DDX6: variants seen among roughly 807,000 people sequenced by gnomAD.
The protein encoded by DDX6 is probable ATP-dependent RNA helicase DDX6.
Under a neutral mutation model 60.6 loss-of-function variants are expected in DDX6, and 7 were observed. That is an observed-to-expected ratio of 0.12 (90% CI 0.07 to 0.22). The LOEUF is 0.22. Ranked by LOEUF, DDX6 falls within the 10% of genes least tolerant of loss-of-function variation. The probability of loss-of-function intolerance (pLI) is 1.00; values close to 1 mark genes in which losing one functional copy is unlikely to be tolerated. For missense variants in DDX6, 270 were observed against 589.9 expected (o/e 0.46, Z 5.62); for synonymous variants, 207 against 201.0 (o/e 1.03, Z -0.25).
intron 13 of DDX6, among the ~76,000 whole-genome samples, chr11:118,753,068 G>A (rs780306859): frequency 1.3e-5 from 2 of 152,104 alleles, no homozygotes; most frequent in African/African-American, 2.4e-5. Flanking sequence ...CACTCTTATC[G>A]CCCAGGCTCG....
At chr11:118,785,260 G>A (rs1384657080) in intron 2 of DDX6, among the ~76,000 whole-genome samples, 2 of 152,180 alleles carry the variant, frequency 1.3e-5, no homozygotes, top group African/African-American at 4.8e-5. Flanking sequence ...GTAAGAGGAG[G>A]CTCTTCAATT....
chr11:118,758,382 T>C (rs1351384313), intron 9 of DDX6, among the ~76,000 whole-genome samples: 3 of 152,176 alleles, frequency 2.0e-5, no homozygotes, highest in Admixed American at 6.5e-5. Flanking sequence ...TCTTTTTTTT[T>C]TTCTTCCCAA....
chr11:118,786,643 A>T (rs1862084151), intron 1 of DDX6, 125 bp from the exon 2 acceptor site: 1 of 179,120 alleles, frequency 5.6e-6, no homozygotes, highest in African/African-American at 2.4e-5. Context: ...AGCTACACTT[A>T]GACCAAATCA....
chr11:118,748,129 C>A lies in DDX6; in HGVS notation c.*3976G>T, dbSNP rs1357708563. ...TGTTTTCTCCAGGCTCCCCTTCCCA[C>A]ACAACCAATGTAAAATACAGCAGCC... On this transcript the variant is annotated 3_prime_UTR_variant, in exon 14 of 14. Coordinates refer to ENST00000534980, the MANE Select transcript of DDX6 (RefSeq NM_004397.6). 1.3e-5 allele frequency: 2 copies of A among 152,096 alleles called. No homozygotes were observed. The highest frequency in any genetic ancestry group is 2.4e-5 in the African/African-American group (1 of 41,418). 9.4% of individuals were successfully genotyped at this position (152,096 alleles called of 1,614,324 possible).
chr11:118,758,395 C>CG (rs1346084792), intron 9 of DDX6, among the ~76,000 whole-genome samples: 9 of 151,738 alleles, frequency 5.9e-5, no homozygotes, highest in Non-Finnish European at 1.2e-4. Context: ...CTTCCCAAGA[C>CG]GGAGTCTTGC....
At chr11:118,781,411 G>C (rs1555164687) in intron 2 of DDX6, among the ~76,000 whole-genome samples, 1 of 152,150 alleles carries the variant, frequency 6.6e-6, no homozygotes, top group Admixed American at 6.5e-5. Flanking sequence ...ATCCTCTTAA[G>C]CAATATTGTA....
chr11:118,772,063 T>G (rs942350714), intron 4 of DDX6, among the ~76,000 whole-genome samples: 4 of 152,192 alleles, frequency 2.6e-5, no homozygotes, highest in African/African-American at 9.7e-5. Context: ...AAATAAAACT[T>G]CATAAGGTTA....
chr11:118,768,154 TCTTCTACA>T, intron 5 of DDX6, 61 bp downstream of exon 5: 1 of 1,403,024 alleles, frequency 7.1e-7, no homozygotes, highest in Non-Finnish European at 9.6e-7. Flanking sequence ...AAAAAGAGTA[TCTTCTACA>T]CATGGCTCCA....
chr11:118,787,066 G>A (rs1862098478), intron 1 of DDX6: 1 of 152,192 alleles, frequency 6.6e-6, no homozygotes, highest in Admixed American at 6.5e-5. Flanking sequence ...CTGGGTGCTG[G>A]TGGCTCAGGC....
chr11:118,779,545 T>A, intron 4 of DDX6, 87 bp downstream of exon 4: 4 of 795,704 alleles, frequency 5.0e-6, no homozygotes, highest in African/African-American at 3.5e-5. Flanking sequence ...AAATGTTAGT[T>A]CACTGTATCA....
intron 7 of DDX6, among the ~76,000 whole-genome samples, chr11:118,761,692 C>T (rs1861171418): frequency 6.6e-6 from 1 of 152,028 alleles, no homozygotes; most frequent in South Asian, 2.1e-4. Flanking sequence ...AAAATTAAAC[C>T]TAAACTCTGG....
At chr11:118,758,112 A>C (rs925343651) in intron 9 of DDX6, among the ~76,000 whole-genome samples, 1 of 152,152 alleles carries the variant, frequency 6.6e-6, no homozygotes, top group East Asian at 1.9e-4. Flanking sequence ...AGGTGACTTA[A>C]ACTCTTTGCC....
chr11:118,761,915 A>G (rs1263250209), intron 7 of DDX6, among the ~76,000 whole-genome samples: 1 of 151,224 alleles, frequency 6.6e-6, no homozygotes, highest in East Asian at 1.9e-4. Context: ...GTACCCAGTG[A>G]TTAATAAATG....
chr11:118,782,410 TAAAAA>T (rs782394238), intron 2 of DDX6, among the ~76,000 whole-genome samples: 4 of 139,582 alleles, frequency 2.9e-5, no homozygotes, highest in Non-Finnish European at 6.3e-5. Context: ...AAAGCATCTT[TAAAAA>T]AAAAAAAAAG....
chr11:118,753,282 G>A (rs1860843057), intron 13 of DDX6, among the ~76,000 whole-genome samples: 2 of 151,330 alleles, frequency 1.3e-5, no homozygotes, highest in Admixed American at 6.6e-5. Context: ...CACCCACCTC[G>A]GCCTCCCAAA....
Position 118,748,505 on chromosome 11 carries a change from G to A in DDX6, c.*3600C>T, listed in dbSNP as rs1425589546. On this transcript the variant is annotated 3_prime_UTR_variant, in exon 14 of 14. Transcript: ENST00000534980. ...GCCAATAATTTTGATAAAGGTATCT[G>A]GCAGGAAAATGATTCCACAATAACA... 3 of 152,058 alleles carry A rather than the reference G, an allele frequency of 2.0e-5. No homozygotes were observed. The highest frequency in any genetic ancestry group is 4.8e-5 in the African/African-American group (2 of 41,390). The allele number at this position is 152,058 out of a possible 1,614,324, so 9.4% of individuals were successfully genotyped here.
chr11:118,782,957 T>C (rs1310479578), intron 2 of DDX6, among the ~76,000 whole-genome samples: 1 of 152,192 alleles, frequency 6.6e-6, no homozygotes, highest in South Asian at 2.1e-4. Flanking sequence ...TAAGCCTGTA[T>C]CATCGAAGTT....
chr11:118,772,315 CA>C (rs1228340049), intron 4 of DDX6, among the ~76,000 whole-genome samples: 17 of 151,970 alleles, frequency 1.1e-4, no homozygotes, highest in Non-Finnish European at 1.3e-4. Context: ...AAATATTATT[CA>C]GGAAAAAGGA....
At chr11:118,786,601 T>A (rs906864038) in intron 1 of DDX6, 83 bp from the exon 2 acceptor site, 10 of 206,712 alleles carry the variant, frequency 4.8e-5, no homozygotes, top group Admixed American at 1.7e-4. Flanking sequence ...TTAAAAGAAT[T>A]CTCATCTTTT....
Sources: allele counts gnomAD v4.1 joint callset (sites outside exome capture counted in the v4.1 genomes callset), GRCh38; gene constraint gnomAD v4.1.1; transcripts MANE v1.5; gene names NCBI Gene and HGNC (gene_info 2026-07-23, HGNC 2026-07-21).